TFF3: variants seen among roughly 807,000 people sequenced by gnomAD.
TFF3 encodes trefoil factor 3.
In TFF3, 6 loss-of-function variants were observed where a neutral mutation model predicts 9.7. The observed-to-expected ratio is 0.62, with a 90% CI of 0.34 to 1.22. The LOEUF (loss-of-function observed/expected upper bound fraction) is 1.22. Ranked by LOEUF, TFF3 falls within the 50% of genes most tolerant of loss-of-function variation. TFF3 has a pLI of 0.04. For missense variants in TFF3, 93 were observed against 98.6 expected (o/e 0.94, Z 0.24); for synonymous variants, 48 against 41.4 (o/e 1.16, Z -0.61).
Position 42,315,040 on chromosome 21 carries a change from T to G in TFF3, c.82+253A>C, listed in dbSNP as rs535446876. The stretch of plus-strand genomic sequence containing the variant: ...AAGATGGCTATGGGGTCATAGGGGA[T>G]GGGCTCAGGCTCAAACCCTGATTTC... On this transcript the variant is annotated intron_variant, in intron 1 of 2. Transcript: ENST00000518498. 1.2e-3 allele frequency among the ~76,000 whole-genome samples: 180 copies of G among 152,334 alleles called. 1 individual carries two copies. Among genetic ancestry groups the G allele is most frequent in the Non-Finnish European group, 1.9e-3 (130 of 68,018 alleles).
Position 42,313,824 on chromosome 21 carries a change from C to T in TFF3, c.83-193G>A, listed in dbSNP as rs945972764. 3 of 596,474 alleles carry T rather than the reference C, an allele frequency of 5.0e-6. No individual in the cohort carries two copies. In the African/African-American group the frequency reaches 5.8e-5, roughly 12 times the overall value. The allele number at this position is 596,474 out of a possible 1,614,324, so 36.9% of individuals were successfully genotyped here. ...AAAGAGAGGCAGTCTGTTAAATGCT[C>T]AGCTCGGGGACTCTGGCCATTTGCC... On this transcript the variant is annotated intron_variant, in intron 1 of 2. Coordinates refer to ENST00000518498, the MANE Select transcript of TFF3 (RefSeq NM_003226.4). The surrounding 1 kb of genome is among the most constrained non-coding windows in gnomAD (Gnocchi z 4.0).
At position 42,313,394 on chromosome 21, in the gene TFF3, C is replaced by A; in HGVS notation, c.229+91G>T. The A allele has an allele frequency of 1.4e-6, 2 of 1,464,452 alleles. No individual in the cohort carries two copies. The highest frequency in any genetic ancestry group is 2.4e-5 in the Admixed American group (1 of 42,390). 90.7% of individuals were successfully genotyped at this position (1,464,452 alleles called of 1,614,324 possible). On this transcript the variant is annotated intron_variant, in intron 2 of 2. Coordinates refer to ENST00000518498, the MANE Select transcript of TFF3 (RefSeq NM_003226.4). The surrounding 1 kb of genome is among the most constrained non-coding windows in gnomAD (Gnocchi z 4.0). ...TGTGTGGCTTCCTGGGGTCCTTGTG[C>A]CTCCATCTCCAGCCCAGAAAGGACA... is the stretch of plus-strand genomic sequence containing the variant.
Position 42,312,085 on chromosome 21 carries a change from T to C in TFF3, c.*171A>G, listed in dbSNP as rs753689276. 3.5e-6 allele frequency: 3 copies of C among 867,704 alleles called. No individual in the cohort carries two copies. In the African/African-American group the frequency reaches 4.9e-5, roughly 14 times the overall value. 53.8% of individuals were successfully genotyped at this position (867,704 alleles called of 1,614,324 possible). On this transcript the variant is annotated 3_prime_UTR_variant, in exon 3 of 3. Coordinates refer to ENST00000518498, the MANE Select transcript of TFF3 (RefSeq NM_003226.4). ...CGAAGAACTGTCCTCGGGTGGAGCA[T>C]GGGACCTTTATTCGTTAAGACATCA...
intron 2 of TFF3, among the ~76,000 whole-genome samples, chr21:42,312,741 A>G (rs2069337795): frequency 6.6e-6 from 1 of 152,192 alleles, no homozygotes; most frequent in Non-Finnish European, 1.5e-5. Flanking sequence ...GACAAAGGGC[A>G]AGAGAGGCCC....
At position 42,315,396 on chromosome 21, in the gene TFF3, G is replaced by T. The variant is rs755479258; in HGVS notation, c.-22C>A. Reference sequence around the variant, plus strand: ...CCATGACCACCGTGGGCTCCGGGACGCAGCTCAGGACTCGCTTCATGGTCC... The same window carrying T: ...CCATGACCACCGTGGGCTCCGGGACTCAGCTCAGGACTCGCTTCATGGTCC... On this transcript the variant is annotated 5_prime_UTR_variant, in exon 1 of 3. Coordinates refer to ENST00000518498, the MANE Select transcript of TFF3 (RefSeq NM_003226.4). The T allele has an allele frequency of 8.1e-6, 13 of 1,614,048 alleles. No individual in the cohort carries two copies. Among genetic ancestry groups the T allele is most frequent in the South Asian group, 1.1e-5 (1 of 91,078 alleles).
chr21:42,313,388 C>T lies in TFF3; in HGVS notation c.229+97G>A. The T allele has an allele frequency of 1.4e-6, 2 of 1,445,166 alleles. No individual in the cohort carries two copies. Among genetic ancestry groups the T allele is most frequent in the African/African-American group, 2.9e-5 (2 of 69,612 alleles). The allele number at this position is 1,445,166 out of a possible 1,614,324, so 89.5% of individuals were successfully genotyped here. On this transcript the variant is annotated intron_variant, in intron 2 of 2. Transcript: ENST00000518498. The surrounding 1 kb of genome is among the most constrained non-coding windows in gnomAD (Gnocchi z 4.0). ...TGTGTGTGTGTGGCTTCCTGGGGTC[C>T]TTGTGCCTCCATCTCCAGCCCAGAA...
At chr21:42,314,673 G>A (rs2069348933) in intron 1 of TFF3, among the ~76,000 whole-genome samples, 2 of 152,296 alleles carry the variant, frequency 1.3e-5, no homozygotes, top group South Asian at 4.1e-4. Flanking sequence ...GCTGAGGCCT[G>A]GATCTTGCCT....
Position 42,313,404 on chromosome 21 carries a change from C to T in TFF3, c.229+81G>A, listed in dbSNP as rs944546667. On this transcript the variant is annotated intron_variant, in intron 2 of 2. Coordinates refer to ENST00000518498, the MANE Select transcript of TFF3 (RefSeq NM_003226.4). The surrounding 1 kb of genome is among the most constrained non-coding windows in gnomAD (Gnocchi z 4.0). The stretch of plus-strand genomic sequence containing the variant: ...CCTGGGGTCCTTGTGCCTCCATCTC[C>T]AGCCCAGAAAGGACAGGGAGGCCCT... The T allele has an allele frequency of 4.0e-6, 6 of 1,501,534 alleles. No individual in the cohort carries two copies. The African/African-American group carries it at 8.5e-5, about 21-fold the overall frequency. The allele number at this position is 1,501,534 out of a possible 1,614,324, so 93.0% of individuals were successfully genotyped here. A position where few individuals can be genotyped will look rare whatever the true frequency, so the allele number is the denominator to read the frequency against.
Position 42,313,685 on chromosome 21 carries a change from G to T in TFF3, c.83-54C>A, listed in dbSNP as rs1182689804. ...CAGAGCCCTTGCTGGGCTGCGGTGA[G>T]TGTGTTTGCTTCACTTTGCAAGTTT... On this transcript the variant is annotated intron_variant, in intron 1 of 2. Transcript: ENST00000518498. This position sits in a 1 kb window ranked among gnomAD's most constrained non-coding sequence, Gnocchi z 4.0. 3 of 1,551,232 alleles carry T rather than the reference G, an allele frequency of 1.9e-6. No individual in the cohort carries two copies. The highest frequency in any genetic ancestry group is 3.9e-5 in the Admixed American group (2 of 51,864).
At position 42,313,561 on chromosome 21, in the gene TFF3, C is replaced by A; in HGVS notation, c.153G>T (p.Glu51Asp). ...DCGYPHVTPK[E>D]CNNRGCCFDS... ...CAAAGCAGCAGCCCCGGTTGTTGCA[C>A]TCCTTGGGGGTGACATGGGGGTAGC... Residue 51 changes from glutamate to aspartate, a missense_variant, in exon 2 of 3, where the codon GAG (glutamate) becomes GAT (aspartate). Physicochemically the swap from Glu to Asp is conservative, Grantham distance 45. Transcript: ENST00000518498. The surrounding 1 kb of genome is among the most constrained non-coding windows in gnomAD (Gnocchi z 4.0). The A allele has an allele frequency of 6.2e-7, 1 of 1,611,260 alleles. No homozygotes were observed. Among genetic ancestry groups the A allele is most frequent in the Non-Finnish European group, 8.5e-7 (1 of 1,179,594 alleles).
At chr21:42,314,135 G>A (rs1049105604) in intron 1 of TFF3, among the ~76,000 whole-genome samples, 7 of 152,120 alleles carry the variant, frequency 4.6e-5, no homozygotes, top group African/African-American at 9.7e-5. Flanking sequence ...CCACCCTCCC[G>A]GGACATCCTT....
In TFF3 at chr21:42,313,385, G is replaced by A; in HGVS notation, c.229+100C>T. ...AGGTGTGTGTGTGTGGCTTCCTGGGGTCCTTGTGCCTCCATCTCCAGCCCA... is the reference window on the plus strand; with the variant it reads ...AGGTGTGTGTGTGTGGCTTCCTGGGATCCTTGTGCCTCCATCTCCAGCCCA... On this transcript the variant is annotated intron_variant, in intron 2 of 2. Transcript: ENST00000518498. The surrounding 1 kb of genome is among the most constrained non-coding windows in gnomAD (Gnocchi z 4.0). The A allele has an allele frequency of 7.0e-7, 1 of 1,419,540 alleles. No homozygotes were observed. Among genetic ancestry groups the A allele is most frequent in the East Asian group, 2.4e-5 (1 of 40,940 alleles). The allele number at this position is 1,419,540 out of a possible 1,614,324, so 87.9% of individuals were successfully genotyped here. A position where few individuals can be genotyped will look rare whatever the true frequency, so the allele number is the denominator to read the frequency against.
intron 2 of TFF3, among the ~76,000 whole-genome samples, chr21:42,312,862 G>A (rs560143119): frequency 3.3e-5 from 5 of 152,298 alleles, no homozygotes; most frequent in African/African-American, 1.2e-4. Context: ...CACCCACGAT[G>A]TGGGGCAGCT....
chr21:42,314,755 G>A (rs2069349360), intron 1 of TFF3, among the ~76,000 whole-genome samples: 2 of 152,310 alleles, frequency 1.3e-5, no homozygotes, highest in South Asian at 2.1e-4. Context: ...ATTCTAATGG[G>A]CTGCAAGTTC....
At chr21:42,315,117 C>G (rs1009827247) in intron 1 of TFF3, among the ~76,000 whole-genome samples, 176 bp downstream of exon 1, 4 of 152,216 alleles carry the variant, frequency 2.6e-5, no homozygotes, top group Admixed American at 2.0e-4. Flanking sequence ...TTCTCTGAGC[C>G]TCGGTTTCCT....
Position 42,313,748 on chromosome 21 carries a change from C to G in TFF3, c.83-117G>C. ...TCCGCCCCACCCCGCCGAGTTCAAC[C>G]ACTGCTGAAACCCTCGCCCTTAGGA... On this transcript the variant is annotated intron_variant, in intron 1 of 2. Coordinates refer to ENST00000518498, the MANE Select transcript of TFF3 (RefSeq NM_003226.4). The surrounding 1 kb of genome is among the most constrained non-coding windows in gnomAD (Gnocchi z 4.0). The G allele has an allele frequency of 8.1e-7, 1 of 1,240,540 alleles. No homozygotes were observed. Among genetic ancestry groups the G allele is most frequent in the African/African-American group, 1.5e-5 (1 of 65,504 alleles). The allele number at this position is 1,240,540 out of a possible 1,614,324, so 76.8% of individuals were successfully genotyped here.
At position 42,313,088 on chromosome 21, in the gene TFF3, C is replaced by T. The variant is rs756026656; in HGVS notation, c.229+397G>A. 2.1e-4 allele frequency among the ~76,000 whole-genome samples: 32 copies of T among 152,084 alleles called. No individual in the cohort carries two copies. Among genetic ancestry groups the T allele is most frequent in the African/African-American group, 3.6e-4 (15 of 41,418 alleles). ...GAGGCCTGACGTCTAGGGCTGGGAC[C>T]GCCTGCCGTCTGTGTAGGGGATGCC... On this transcript the variant is annotated intron_variant, in intron 2 of 2. Transcript: ENST00000518498. This position sits in a 1 kb window ranked among gnomAD's most constrained non-coding sequence, Gnocchi z 4.0.
chr21:42,314,134 C>T (rs1478787041), intron 1 of TFF3, among the ~76,000 whole-genome samples: 1 of 152,216 alleles, frequency 6.6e-6, no homozygotes, highest in Non-Finnish European at 1.5e-5. Context: ...CCCACCCTCC[C>T]GGGACATCCT....
Position 42,313,528 on chromosome 21 carries a change from C to T in TFF3, c.186G>A (p.Arg62=), listed in dbSNP as rs778689496. 1.5e-5 allele frequency: 24 copies of T among 1,610,204 alleles called. No individual in the cohort carries two copies. In the East Asian group the frequency reaches 5.4e-4, roughly 36 times the overall value. ...TGAAACACCAAGGCACTCCAGGGAT[C>T]CTGGAGTCAAAGCAGCAGCCCCGGT... ...CNNRGCCFDS[R]IPGVPWCFKP... is the part of the protein sequence containing the mutation. The change falls in exon 2 of 3, where the codon AGG becomes AGA. Residue 62 remains arginine (R), a synonymous_variant. Coordinates refer to ENST00000518498, the MANE Select transcript of TFF3 (RefSeq NM_003226.4). The surrounding 1 kb of genome is among the most constrained non-coding windows in gnomAD (Gnocchi z 4.0).
Sources: gnomAD v4.1 joint callset for allele counts (sites outside exome capture counted in the v4.1 genomes callset) on GRCh38, gnomAD v4.1.1 for gene constraint, Gnocchi (gnomAD v3.1) non-coding constraint, MANE v1.5 for transcripts, NCBI Gene and HGNC (gene_info 2026-07-23, HGNC 2026-07-21) for gene names.